GABRG3: variants seen among roughly 807,000 people sequenced by gnomAD.
The protein encoded by GABRG3 is gamma-aminobutyric acid receptor subunit gamma-3.
GABRG3 carries 25 observed loss-of-function variants against 48.8 expected under a neutral mutation model. That is an observed-to-expected ratio of 0.51 (90% CI 0.37 to 0.72). The LOEUF (loss-of-function observed/expected upper bound fraction) is 0.72. Ranked by LOEUF, GABRG3 falls within the 30% of genes least tolerant of loss-of-function variation. The pLI is 0.00. For synonymous variants in GABRG3, 227 were observed against 217.6 expected, an observed-to-expected ratio of 1.04 and a Z score of -0.38; for missense variants, 394 against 577.9, an observed-to-expected ratio of 0.68 and a Z score of 3.26.
intron 5 of GABRG3, among the ~76,000 whole-genome samples, chr15:27,395,799 G>C (rs1223572944): frequency 1.3e-5 from 2 of 152,132 alleles, no homozygotes; most frequent in Admixed American, 1.3e-4. Flanking sequence ...CATTTGGGTT[G>C]GGCAAGCATT....
intron 2 of GABRG3, among the ~76,000 whole-genome samples, chr15:26,984,436 C>T (rs1344619506): frequency 6.6e-6 from 1 of 152,214 alleles, no homozygotes; most frequent in Non-Finnish European, 1.5e-5. Flanking sequence ...ATGGAATCCT[C>T]TAATTAGTTT....
intron 3 of GABRG3, among the ~76,000 whole-genome samples, chr15:27,324,097 G>A (rs1893524830): frequency 6.6e-6 from 1 of 152,214 alleles, no homozygotes; most frequent in Non-Finnish European, 1.5e-5. Flanking sequence ...ATCATGATCT[G>A]TATCTAGCCA....
At chr15:27,229,474 T>TG in intron 3 of GABRG3, among the ~76,000 whole-genome samples, 1 of 149,538 alleles carries the variant, frequency 6.7e-6, no homozygotes, top group South Asian at 2.1e-4. Flanking sequence ...TGTGTGTGTG[T>TG]TGTTGTTTGT....
At chr15:27,490,173 A>C (rs190142316) in intron 6 of GABRG3, among the ~76,000 whole-genome samples, 470 of 152,304 alleles carry the variant, frequency 3.1e-3, no homozygotes, top group Non-Finnish European at 4.6e-3. Flanking sequence ...AATGAACCAA[A>C]ATTTTTGAAA....
At chr15:27,064,584 C>T (rs2140726991) in intron 3 of GABRG3, among the ~76,000 whole-genome samples, 1 of 152,218 alleles carries the variant, frequency 6.6e-6, no homozygotes, top group African/African-American at 2.4e-5. Context: ...CCCTGTGTTT[C>T]AGGAAGCATC....
chr15:27,322,761 C>G (rs1262221660), intron 3 of GABRG3, among the ~76,000 whole-genome samples: 6 of 152,154 alleles, frequency 3.9e-5, no homozygotes, highest in Admixed American at 3.9e-4. Flanking sequence ...GAGTCTAACA[C>G]CCAGACTCTG....
intron 5 of GABRG3, among the ~76,000 whole-genome samples, chr15:27,332,449 G>T (rs1049117347): frequency 6.6e-6 from 1 of 152,054 alleles, no homozygotes; most frequent in Non-Finnish European, 1.5e-5. Context: ...CAGAAGAATC[G>T]CTTGAACCCG....
chr15:27,341,481 G>A (rs950327603), intron 5 of GABRG3, among the ~76,000 whole-genome samples: 6 of 152,280 alleles, frequency 3.9e-5, no homozygotes, highest in South Asian at 2.1e-4. Context: ...AGGAAGCTCC[G>A]TGCTAGAAAA....
chr15:27,492,582 G>T (rs1274317389), intron 6 of GABRG3, among the ~76,000 whole-genome samples: 3 of 152,184 alleles, frequency 2.0e-5, no homozygotes, highest in African/African-American at 7.2e-5. Flanking sequence ...TAAGCTGGAG[G>T]CCCCAGTGTA....
chr15:27,506,421 T>A (rs4288951), intron 6 of GABRG3, among the ~76,000 whole-genome samples: 28,194 of 151,988 alleles, frequency 0.19, 4,256 homozygotes, highest in East Asian at 0.41. Flanking sequence ...CTGGCTTAAA[T>A]AAGAACGCTG....
intron 3 of GABRG3, among the ~76,000 whole-genome samples, chr15:27,070,654 A>C (rs1896812220): frequency 1.3e-5 from 2 of 152,226 alleles, no homozygotes; most frequent in African/African-American, 4.8e-5. Context: ...CAATTTGTAT[A>C]AATGAAAAAC....
At chr15:27,197,485 T>A (rs1055131367) in intron 3 of GABRG3, among the ~76,000 whole-genome samples, 70 of 136,678 alleles carry the variant, frequency 5.1e-4, no homozygotes, top group African/African-American at 1.8e-3. Flanking sequence ...TTTTTTTTTT[T>A]ATCATCAGTA....
chr15:27,283,109 A>G (rs983162483), intron 3 of GABRG3, among the ~76,000 whole-genome samples: 2 of 152,082 alleles, frequency 1.3e-5, no homozygotes, highest in Admixed American at 6.5e-5. Context: ...TTCACCCCCA[A>G]CCCACGTCAT....
At chr15:27,096,806 A>C (rs1270085050) in intron 3 of GABRG3, among the ~76,000 whole-genome samples, 1 of 150,104 alleles carries the variant, frequency 6.7e-6, no homozygotes, top group Non-Finnish European at 1.5e-5. Context: ...CTTGTGAACC[A>C]CACAAATGAG....
intron 5 of GABRG3, among the ~76,000 whole-genome samples, chr15:27,405,111 A>G (rs1566826453): frequency 6.6e-6 from 1 of 152,244 alleles, no homozygotes; most frequent in Non-Finnish European, 1.5e-5. Context: ...CATTGAAAAC[A>G]TGATGAAAGG....
At chr15:27,112,182 C>G (rs977455174) in intron 3 of GABRG3, among the ~76,000 whole-genome samples, 3 of 152,138 alleles carry the variant, frequency 2.0e-5, no homozygotes, top group African/African-American at 7.2e-5. Flanking sequence ...CTGCTCCAAG[C>G]AAGCAGATCT....
At chr15:27,297,610 TAGA>T (rs1386889178) in intron 3 of GABRG3, among the ~76,000 whole-genome samples, 1 of 152,200 alleles carries the variant, frequency 6.6e-6, no homozygotes, top group East Asian at 1.9e-4. Flanking sequence ...CCTAGGTTTG[TAGA>T]AGGCTATACC....
Position 27,532,915 on chromosome 15 carries a change from G to A in GABRG3, c.*34G>A, listed in dbSNP as rs750466475. 1.0e-5 allele frequency: 16 copies of A among 1,597,954 alleles called. No homozygotes were observed. The South Asian group carries it at 1.7e-4, about 17-fold the overall frequency. ...CAGAGTGAAGAGTGAAGAGCATTTG[G>A]TACACACTTGACCTTCTGTCGTCCC... On this transcript the variant is annotated 3_prime_UTR_variant, in exon 10 of 10. Coordinates refer to ENST00000615808, the MANE Select transcript of GABRG3 (RefSeq NM_033223.5).
chr15:27,456,713 G>T (rs1889292909), intron 5 of GABRG3, among the ~76,000 whole-genome samples: 1 of 152,158 alleles, frequency 6.6e-6, no homozygotes, highest in Non-Finnish European at 1.5e-5. Context: ...AAATAGGCAG[G>T]CTGTACTGGG....
Sources: gnomAD v4.1 joint callset for allele counts (sites outside exome capture counted in the v4.1 genomes callset) on GRCh38, gnomAD v4.1.1 for gene constraint, MANE v1.5 for transcripts, NCBI Gene and HGNC (gene_info 2026-07-23, HGNC 2026-07-21) for gene names.